Variants in C18orf63 observed in about 807,000 individuals in gnomAD.
C18orf63 encodes uncharacterized protein C18orf63.
In C18orf63, 50 loss-of-function variants were observed where a neutral mutation model predicts 75.3. That is an observed-to-expected ratio of 0.66 (90% CI 0.53 to 0.84). The LOEUF (loss-of-function observed/expected upper bound fraction) is 0.84, where lower values mean the gene tolerates loss of function less well. Among genes scored for constraint, C18orf63 ranks in the 40% least tolerant of loss-of-function variants. The pLI is 0.00. For missense variants in C18orf63, 732 were observed against 800.2 expected (o/e 0.91, Z 1.03); for synonymous variants, 232 against 267.6 (o/e 0.87, Z 1.30).
chr18:74,340,793 C>CT (rs1984467527), intron 8 of C18orf63, among the ~76,000 whole-genome samples: 1 of 151,978 alleles, frequency 6.6e-6, no homozygotes, highest in South Asian at 2.1e-4. Context: ...CTTGTGGACT[C>CT]TAAAACAATT....
intron 6 of C18orf63, among the ~76,000 whole-genome samples, chr18:74,330,518 A>G (rs1984286769): frequency 6.6e-6 from 1 of 152,142 alleles, no homozygotes; most frequent in Admixed American, 6.5e-5. Context: ...AGATTACAGA[A>G]GAGGACAATC....
Position 74,317,967 on chromosome 18 carries a change from T to C in C18orf63, c.102T>C (p.Thr34=). Reference sequence around the variant, plus strand: ...TACTGAGTAATAAGGTGGCAGATACTGAGATTAGGACTATACAAATGAAGA... The same window carrying C: ...TACTGAGTAATAAGGTGGCAGATACCGAGATTAGGACTATACAAATGAAGA... ...RIILSNKVAD[T]EIRTIQMKMC... Residue 34 remains threonine, a synonymous_variant, in exon 2 of 14, where the codon ACT becomes ACC. Coordinates refer to ENST00000579455, the MANE Select transcript of C18orf63 (RefSeq NM_001174123.2). 1 of 1,532,570 alleles carries C rather than the reference T, an allele frequency of 6.5e-7. No individual in the cohort carries two copies. The highest frequency in any genetic ancestry group is 8.7e-7 in the Non-Finnish European group (1 of 1,144,370). The allele number at this position is 1,532,570 out of a possible 1,614,324, so 94.9% of individuals were successfully genotyped here.
rs957535871 is a variant in C18orf63, at chr18:74,357,242, A to G, written c.*795A>G. On this transcript the variant is annotated 3_prime_UTR_variant, in exon 14 of 14. Transcript: ENST00000579455. Reference sequence around the variant, plus strand: ...AGGCAGTGGGGACAACACTGTGTCCATGGCAGAAATGGATGAGACAGCCGT... The same window carrying G: ...AGGCAGTGGGGACAACACTGTGTCCGTGGCAGAAATGGATGAGACAGCCGT... 3 of 152,230 alleles carry G rather than the reference A, an allele frequency of 2.0e-5. No homozygotes were observed. Among genetic ancestry groups the G allele is most frequent in the Admixed American group, 1.3e-4 (2 of 15,276 alleles). The allele number at this position is 152,230 out of a possible 1,614,324, so 9.4% of individuals were successfully genotyped here. A position where few individuals can be genotyped will look rare whatever the true frequency, so the allele number is the denominator to read the frequency against.
chr18:74,322,821 G>A (rs1379515215), intron 4 of C18orf63, 67 bp downstream of exon 4: 1 of 532,294 alleles, frequency 1.9e-6, no homozygotes, highest in Non-Finnish European at 3.0e-6. Flanking sequence ...CACTCCTTTT[G>A]TCAACAAACA....
chr18:74,330,010 C>T (rs1260753968), intron 6 of C18orf63, among the ~76,000 whole-genome samples: 1 of 152,128 alleles, frequency 6.6e-6, no homozygotes, highest in Non-Finnish European at 1.5e-5. Flanking sequence ...GCTCTCCTTG[C>T]ACTAGTTGTA....
chr18:74,331,693 C>T lies in C18orf63; in HGVS notation c.501+751C>T, dbSNP rs141291971. Among the ~76,000 whole-genome samples the T allele has an allele frequency of 1.1e-3, 175 of 152,252 alleles. 1 individual carries two copies. Among genetic ancestry groups the T allele is most frequent in the African/African-American group, 4.1e-3 (171 of 41,544 alleles). ...TATCCCCACCCACAGAATTATCCAG[C>T]CCAAAGTGTCAATAGTGTGGAGGTT... On this transcript the variant is annotated intron_variant, in intron 7 of 13. Coordinates refer to ENST00000579455, the MANE Select transcript of C18orf63 (RefSeq NM_001174123.2).
rs771876893 is a variant in C18orf63, at chr18:74,353,975, G to T, written c.1708G>T (p.Glu570Ter). 6.5e-7 allele frequency: 1 copy of T among 1,536,244 alleles called. No homozygotes were observed. The change falls in exon 12 of 14, where the codon GAA (glutamate) becomes TAA (stop). Residue 570 changes from glutamate (E) to a stop codon, truncating the protein, a stop_gained. Coordinates refer to ENST00000579455, the MANE Select transcript of C18orf63 (RefSeq NM_001174123.2). LOFTEE classifies it high-confidence loss of function. ...TGTTGACTTCCAAATGAAAGGAAAAGAAAATTTAACAGGCAAAGGTATAAC... is the reference window on the plus strand; with the variant it reads ...TGTTGACTTCCAAATGAAAGGAAAATAAAATTTAACAGGCAAAGGTATAAC... ...SAVDFQMKGK[E>*]NLTGKGITQI...
At chr18:74,352,594 A>G (rs1984686502) in intron 11 of C18orf63, among the ~76,000 whole-genome samples, 1 of 152,192 alleles carries the variant, frequency 6.6e-6, no homozygotes, top group South Asian at 2.1e-4. Context: ...CCTTCCCTGT[A>G]GTCAAAATCC....
intron 11 of C18orf63, among the ~76,000 whole-genome samples, chr18:74,349,554 TGTA>T: frequency 6.6e-6 from 1 of 152,164 alleles, no homozygotes; most frequent in Non-Finnish European, 1.5e-5. Flanking sequence ...ATTAGATTCT[TGTA>T]GGAGCACGAA....
chr18:74,351,168 C>G (rs1984660019), intron 11 of C18orf63, among the ~76,000 whole-genome samples: 1 of 152,176 alleles, frequency 6.6e-6, no homozygotes, highest in Non-Finnish European at 1.5e-5. Flanking sequence ...AAATCTCACT[C>G]AATATTTTCT....
chr18:74,333,524 A>T (rs1275496698), intron 7 of C18orf63, among the ~76,000 whole-genome samples: 1 of 152,176 alleles, frequency 6.6e-6, no homozygotes, highest in Non-Finnish European at 1.5e-5. Context: ...GTCCTTCTTC[A>T]CAAGGTGGCA....
chr18:74,341,019 C>T (rs1462381914), intron 8 of C18orf63, among the ~76,000 whole-genome samples: 4 of 151,926 alleles, frequency 2.6e-5, no homozygotes, highest in African/African-American at 9.7e-5. Flanking sequence ...AGTCCCAGCA[C>T]TTTGGGAGGC....
intron 11 of C18orf63, among the ~76,000 whole-genome samples, chr18:74,351,057 G>A (rs1485990965): frequency 6.6e-6 from 1 of 152,172 alleles, no homozygotes; most frequent in African/African-American, 2.4e-5. Context: ...AAGAAACTAA[G>A]ACGGTGTGTC....
intron 11 of C18orf63, among the ~76,000 whole-genome samples, chr18:74,348,407 T>C (rs1984608730): frequency 6.6e-6 from 1 of 152,156 alleles, no homozygotes; most frequent in Non-Finnish European, 1.5e-5. Flanking sequence ...TACACTGAGG[T>C]GGTGCAATGC....
At chr18:74,335,269 T>C (rs1984373110) in intron 7 of C18orf63, among the ~76,000 whole-genome samples, 2 of 152,160 alleles carry the variant, frequency 1.3e-5, no homozygotes, top group Admixed American at 1.3e-4. Context: ...AAATTCTTTT[T>C]TAATTCCTCT....
intron 10 of C18orf63, among the ~76,000 whole-genome samples, chr18:74,342,807 AT>A (rs1213045003): frequency 1.3e-5 from 2 of 152,114 alleles, no homozygotes; most frequent in Non-Finnish European, 2.9e-5. Flanking sequence ...TTTAAACAAT[AT>A]TTTTTAAAAT....
chr18:74,327,599 C>T (rs539705636), intron 4 of C18orf63, among the ~76,000 whole-genome samples: 15 of 152,202 alleles, frequency 9.9e-5, no homozygotes, highest in South Asian at 8.3e-4. Flanking sequence ...ATAATGAGAA[C>T]GATTACAAGT....
intron 11 of C18orf63, among the ~76,000 whole-genome samples, chr18:74,346,345 T>C (rs1272076431): frequency 6.6e-6 from 1 of 152,166 alleles, no homozygotes; most frequent in Non-Finnish European, 1.5e-5. Flanking sequence ...TTTTGCTTTA[T>C]GTATTCTGAG....
At chr18:74,346,049 T>C (rs1482988224) in intron 11 of C18orf63, among the ~76,000 whole-genome samples, 3 of 151,978 alleles carry the variant, frequency 2.0e-5, no homozygotes, top group African/African-American at 7.2e-5. Flanking sequence ...ATAGTGTATA[T>C]TTCTCCACAT....
Sources: allele counts gnomAD v4.1 joint callset (sites outside exome capture counted in the v4.1 genomes callset), GRCh38; gene constraint gnomAD v4.1.1; transcripts MANE v1.5; gene names NCBI Gene and HGNC (gene_info 2026-07-23, HGNC 2026-07-21).